Variants in UBE2H observed in about 807,000 individuals in gnomAD.
UBE2H encodes ubiquitin-conjugating enzyme E2 H.
In UBE2H, 3 loss-of-function variants were observed where a neutral mutation model predicts 29.0. That is an observed-to-expected ratio of 0.10 (90% confidence interval 0.05 to 0.27). UBE2H has a LOEUF of 0.27. UBE2H is among the 10% of genes least tolerant of loss of function. The pLI is 1.00. For missense variants in UBE2H, 68 were observed against 228.2 expected (o/e 0.30, Z 4.52); for synonymous variants, 69 against 82.9 (o/e 0.83, Z 0.91).
chr7:129,875,506 T>A (rs1806128716), intron 3 of UBE2H, among the ~76,000 whole-genome samples: 2 of 152,222 alleles, frequency 1.3e-5, no homozygotes, highest in Admixed American at 1.3e-4. Context: ...ACTTTTTAAA[T>A]AAAATTATTT....
chr7:129,952,415 C>T (rs952382017), intron 1 of UBE2H, 88 bp downstream of exon 1: 9 of 1,542,070 alleles, frequency 5.8e-6, no homozygotes, highest in Non-Finnish European at 6.2e-6. Flanking sequence ...TGGAGTGCCC[C>T]AGGGCCCTTG....
At chr7:129,867,699 T>A (rs1435888076) in intron 3 of UBE2H, among the ~76,000 whole-genome samples, 84 of 29,600 alleles carry the variant, frequency 2.8e-3, no homozygotes, top group South Asian at 5.0e-3. Context: ...TAGAGTATAA[T>A]AAAAAAAAAA....
intron 1 of UBE2H, among the ~76,000 whole-genome samples, chr7:129,931,836 C>CTTTTTTTTTTTTTTTTTTTTT: frequency 7.6e-6 from 1 of 131,310 alleles, no homozygotes; most frequent in Non-Finnish European, 1.6e-5. Flanking sequence ...TTCTACTTTG[C>CTTTTTTTTTTTTTTTTTTTTT]TTTTTTTTTT....
At chr7:129,915,177 C>A (rs914679791) in intron 1 of UBE2H, among the ~76,000 whole-genome samples, 1 of 152,178 alleles carries the variant, frequency 6.6e-6, no homozygotes, top group African/African-American at 2.4e-5. Context: ...ACAAAAACCA[C>A]GGGCTTGGCT....
At chr7:129,845,365 C>T (rs1411328477) in intron 5 of UBE2H, among the ~76,000 whole-genome samples, 1 of 152,172 alleles carries the variant, frequency 6.6e-6, no homozygotes, top group Non-Finnish European at 1.5e-5. Context: ...TACTACCTGG[C>T]CCATGATCCC....
At chr7:129,869,234 G>A (rs879770875) in intron 3 of UBE2H, among the ~76,000 whole-genome samples, 5 of 151,904 alleles carry the variant, frequency 3.3e-5, no homozygotes, top group African/African-American at 9.7e-5. Context: ...CACCGTGCCC[G>A]GCTTGTTTCT....
intron 5 of UBE2H, among the ~76,000 whole-genome samples, chr7:129,851,445 A>G (rs1280071672): frequency 6.6e-6 from 1 of 152,254 alleles, no homozygotes; most frequent in Non-Finnish European, 1.5e-5. Context: ...TGTAATTACT[A>G]GACAATAATT....
chr7:129,891,145 T>A (rs942334840), intron 1 of UBE2H, among the ~76,000 whole-genome samples: 2 of 145,878 alleles, frequency 1.4e-5, no homozygotes, highest in Non-Finnish European at 1.5e-5. Flanking sequence ...AAAAAAAAAA[T>A]AGTCAACTTA....
At chr7:129,913,652 C>A (rs958270278) in intron 1 of UBE2H, among the ~76,000 whole-genome samples, 5 of 152,106 alleles carry the variant, frequency 3.3e-5, no homozygotes, top group African/African-American at 1.2e-4. Flanking sequence ...GGGTAAAGAG[C>A]CTTTAACTGG....
At position 129,879,516 on chromosome 7, in the gene UBE2H, TC is replaced by T. The variant is rs577896311; in HGVS notation, c.205+51del. 168 of 1,517,868 alleles carry T rather than the reference TC, an allele frequency of 1.1e-4. 4 individuals carry two copies. In the South Asian group the frequency reaches 1.6e-3, roughly 14 times the overall value. The allele number at this position is 1,517,868 out of a possible 1,614,324, so 94.0% of individuals were successfully genotyped here. A position where few individuals can be genotyped will look rare whatever the true frequency, so the allele number is the denominator to read the frequency against. ...TACCTCCCCTGAAATGTAAGATTTT[TC>T]CCCCTTAGATTTCAAAACTCTCTAA... On this transcript the variant is annotated intron_variant, in intron 3 of 6. Coordinates refer to ENST00000355621, the MANE Select transcript of UBE2H (RefSeq NM_003344.4).
chr7:129,852,573 T>C (rs1400294584), intron 5 of UBE2H, among the ~76,000 whole-genome samples: 1 of 152,240 alleles, frequency 6.6e-6, no homozygotes, highest in African/African-American at 2.4e-5. Context: ...CAGATAACTC[T>C]AGGGGAAGAC....
intron 1 of UBE2H, among the ~76,000 whole-genome samples, chr7:129,902,601 C>T (rs535240135): frequency 6.6e-6 from 1 of 152,298 alleles, no homozygotes; most frequent in East Asian, 1.9e-4. Context: ...GCCCATCTCC[C>T]CCATTTCCTA....
At chr7:129,888,506 A>C (rs146719275) in intron 1 of UBE2H, among the ~76,000 whole-genome samples, 5,720 of 151,276 alleles carry the variant, frequency 0.038, 154 homozygotes, top group South Asian at 0.13. Context: ...ACGGAGTCTC[A>C]CTCTGTCGCC....
chr7:129,857,001 TTTG>T (rs1284745684), intron 5 of UBE2H: 2 of 152,652 alleles, frequency 1.3e-5, no homozygotes, highest in Admixed American at 6.5e-5. Context: ...GGGCAATTCA[TTTG>T]TTGATTCCCT....
At position 129,938,413 on chromosome 7, in the gene UBE2H, C is replaced by CAAAAAAA. The variant is rs34454670; in HGVS notation, c.53+14083_53+14089dup. 1.6e-4 allele frequency among the ~76,000 whole-genome samples: 6 copies of CAAAAAAA among 38,036 alleles called. 2 individuals are homozygous for CAAAAAAA. The highest frequency in any genetic ancestry group is 3.8e-4 in the African/African-American group (3 of 7,826). 25.0% of individuals were successfully genotyped at this position (38,036 alleles called of 152,430 possible). ...CAACAGAGAGAGAGACTGCCTCATT[C>CAAAAAAA]AAAAAAAAAAAAAAAAAAAAAAAAA... On this transcript the variant is annotated intron_variant, in intron 1 of 6. Coordinates refer to ENST00000355621, the MANE Select transcript of UBE2H (RefSeq NM_003344.4).
rs1807902203 is a variant in UBE2H, at chr7:129,952,575, T to C, written c.-20A>G. ...TGACATGGTGTCGCCGCCGCCTCTC[T>C]CCCTTCCTCGGCCCGTCTGTCACGG... On this transcript the variant is annotated 5_prime_UTR_variant, in exon 1 of 7. Coordinates refer to ENST00000355621, the MANE Select transcript of UBE2H (RefSeq NM_003344.4). The C allele has an allele frequency of 6.2e-7, 1 of 1,607,210 alleles. No homozygotes were observed. Among genetic ancestry groups the C allele is most frequent in the Non-Finnish European group, 8.5e-7 (1 of 1,177,324 alleles).
intron 1 of UBE2H, among the ~76,000 whole-genome samples, chr7:129,938,360 T>C (rs1031532645): frequency 3.1e-5 from 4 of 127,140 alleles, no homozygotes; most frequent in Non-Finnish European, 6.2e-5. Flanking sequence ...CAGTGAGCCA[T>C]GATGGCACCA....
At chr7:129,897,348 C>G (rs1266247813) in intron 1 of UBE2H, among the ~76,000 whole-genome samples, 1 of 152,188 alleles carries the variant, frequency 6.6e-6, no homozygotes, top group Non-Finnish European at 1.5e-5. Flanking sequence ...GTCTAAAGCT[C>G]TAATCATAGT....
intron 1 of UBE2H, among the ~76,000 whole-genome samples, chr7:129,902,987 G>A (rs1008208808): frequency 6.6e-6 from 1 of 152,180 alleles, no homozygotes; most frequent in African/African-American, 2.4e-5. Context: ...CCCCGTCCAA[G>A]GTCGGACTGC....
Sources: gnomAD v4.1 joint callset for allele counts (sites outside exome capture counted in the v4.1 genomes callset) on GRCh38, gnomAD v4.1.1 for gene constraint, MANE v1.5 for transcripts, NCBI Gene and HGNC (gene_info 2026-07-23, HGNC 2026-07-21) for gene names.